Variants in CUL5 observed in about 807,000 individuals in gnomAD.
CUL5 encodes cullin 5.
CUL5 carries 26 observed loss-of-function variants against 108.8 expected under a neutral mutation model. The observed-to-expected ratio is 0.24, with a 90% CI of 0.18 to 0.33. The LOEUF is 0.33. Ranked by LOEUF, CUL5 falls within the 10% of genes least tolerant of loss-of-function variation. The pLI is 1.00. For synonymous variants in CUL5, 334 were observed against 298.0 expected (o/e 1.12, Z -1.25); for missense variants, 524 against 909.2 (o/e 0.58, Z 5.45).
intron 2 of CUL5, among the ~76,000 whole-genome samples, chr11:108,044,842 A>T (rs1425490302): frequency 2.0e-5 from 3 of 151,672 alleles, no homozygotes; most frequent in African/African-American, 7.3e-5. Flanking sequence ...GCTCACTGCA[A>T]CCTCCGCCTC....
chr11:108,070,863 T>G (rs1863803944), intron 8 of CUL5, among the ~76,000 whole-genome samples: 1 of 152,232 alleles, frequency 6.6e-6, no homozygotes. Context: ...TCAATTCACT[T>G]AAGTTCATAC....
intron 10 of CUL5, among the ~76,000 whole-genome samples, chr11:108,075,974 C>CA (rs1863931968): frequency 6.6e-6 from 1 of 152,096 alleles, no homozygotes; most frequent in South Asian, 2.1e-4. Context: ...CAAGAGCACC[C>CA]AAAGTCTACT....
At chr11:108,072,497 A>T in intron 9 of CUL5, 35 bp downstream of exon 9, 2 of 1,546,024 alleles carry the variant, frequency 1.3e-6, no homozygotes, top group Non-Finnish European at 1.8e-6. Context: ...ATAGATATAT[A>T]TCAAGGCTAT....
At chr11:108,019,766 T>C (rs1316400568) in intron 1 of CUL5, among the ~76,000 whole-genome samples, 1 of 152,198 alleles carries the variant, frequency 6.6e-6, no homozygotes, top group Non-Finnish European at 1.5e-5. Context: ...TACTGGTTTA[T>C]GTATATCTTA....
At chr11:108,062,121 G>A (rs1863553103) in intron 7 of CUL5, among the ~76,000 whole-genome samples, 2 of 152,118 alleles carry the variant, frequency 1.3e-5, no homozygotes, top group South Asian at 4.1e-4. Flanking sequence ...TAACCTATAT[G>A]CACTGTAGTA....
chr11:108,017,588 G>A (rs562382185), intron 1 of CUL5, among the ~76,000 whole-genome samples: 33 of 152,104 alleles, frequency 2.2e-4, no homozygotes, highest in Non-Finnish European at 3.7e-4. Context: ...GGAGGCTCAC[G>A]CCTGTAATTG....
At chr11:108,089,297 A>G (rs543729307) in intron 12 of CUL5, among the ~76,000 whole-genome samples, 195 bp from the exon 13 acceptor site, 39 of 152,354 alleles carry the variant, frequency 2.6e-4, no homozygotes, top group African/African-American at 9.4e-4. Flanking sequence ...ATTTGGTTAT[A>G]GTCTCAGTTT....
At chr11:108,057,730 G>A (rs1863422741) in intron 7 of CUL5, among the ~76,000 whole-genome samples, 1 of 152,194 alleles carries the variant, frequency 6.6e-6, no homozygotes, top group Non-Finnish European at 1.5e-5. Flanking sequence ...TGGAATAGGA[G>A]AAGGATATTA....
chr11:108,040,519 C>T (rs1460879333), intron 2 of CUL5, among the ~76,000 whole-genome samples: 2 of 147,810 alleles, frequency 1.4e-5, no homozygotes, highest in East Asian at 2.0e-4. Flanking sequence ...AGCTGAGGCA[C>T]GAGAATTGCC....
At chr11:108,074,575 C>T (rs1031355275) in intron 10 of CUL5, among the ~76,000 whole-genome samples, 5 of 151,864 alleles carry the variant, frequency 3.3e-5, no homozygotes, top group Non-Finnish European at 2.9e-5. Flanking sequence ...GAGGCCAGGG[C>T]GGGTGGATCA....
chr11:108,047,873 TAAAC>T (rs1863105124), intron 3 of CUL5, among the ~76,000 whole-genome samples: 3 of 152,188 alleles, frequency 2.0e-5, no homozygotes, highest in Admixed American at 1.3e-4. Flanking sequence ...TTTCTGGAAA[TAAAC>T]TTATGAAGAA....
chr11:108,049,957 T>G lies in CUL5; in HGVS notation c.302T>G (p.Phe101Cys). The change falls in exon 4 of 19, where the codon TTT (phenylalanine) becomes TGT (cysteine). Residue 101 changes from phenylalanine (F) to cysteine (C), a missense_variant. Coordinates refer to ENST00000393094, the MANE Select transcript of CUL5 (RefSeq NM_003478.6). ...TATATTGTTGAATGGCGAAAGTTCT[T>G]TACACAATGTGATATTTTACCAAAA... ...KAYIVEWRKF[F>C]TQCDILPKPF... 6.2e-7 allele frequency: 1 copy of G among 1,613,856 alleles called. No individual in the cohort carries two copies. The highest frequency in any genetic ancestry group is 8.5e-7 in the Non-Finnish European group (1 of 1,179,818).
chr11:108,077,929 A>T (rs1863981401), intron 10 of CUL5, among the ~76,000 whole-genome samples: 1 of 152,182 alleles, frequency 6.6e-6, no homozygotes, highest in African/African-American at 2.4e-5. Context: ...AGCCTGGTCG[A>T]CAGAGTGAGA....
chr11:108,083,804 G>C (rs886888468), intron 11 of CUL5, among the ~76,000 whole-genome samples: 44 of 152,162 alleles, frequency 2.9e-4, no homozygotes, highest in Non-Finnish European at 5.7e-4. Context: ...GTGGAGTAGA[G>C]TAAGTATCAT....
chr11:108,016,394 C>T (rs575890522), intron 1 of CUL5, among the ~76,000 whole-genome samples: 1 of 152,208 alleles, frequency 6.6e-6, no homozygotes, highest in South Asian at 2.1e-4. Flanking sequence ...CATCCTCCCA[C>T]AGGTGCAACA....
At chr11:108,057,115 T>C (rs191370845) in intron 7 of CUL5, among the ~76,000 whole-genome samples, 9 of 152,232 alleles carry the variant, frequency 5.9e-5, no homozygotes, top group South Asian at 2.1e-4. Flanking sequence ...ATTAAACTTA[T>C]GAACTTTCAA....
At chr11:108,050,394 T>A (rs1218581281) in intron 4 of CUL5, among the ~76,000 whole-genome samples, 1 of 151,404 alleles carries the variant, frequency 6.6e-6, no homozygotes, top group Admixed American at 6.6e-5. Flanking sequence ...TAAACTGGAG[T>A]GTCACTCTGT....
intron 11 of CUL5, among the ~76,000 whole-genome samples, chr11:108,083,496 T>C (rs1864149513): frequency 6.6e-6 from 1 of 152,226 alleles, no homozygotes; most frequent in Admixed American, 6.5e-5. Flanking sequence ...CACATTAAAG[T>C]AGAACATTTC....
chr11:108,038,520 CAAAA>C (rs902821899), intron 2 of CUL5, among the ~76,000 whole-genome samples: 3 of 151,792 alleles, frequency 2.0e-5, no homozygotes, highest in Non-Finnish European at 4.4e-5. Flanking sequence ...ACTAAAAATA[CAAAA>C]ATTACCTGAG....
Sources: allele counts gnomAD v4.1 joint callset (sites outside exome capture counted in the v4.1 genomes callset), GRCh38; gene constraint gnomAD v4.1.1; transcripts MANE v1.5; gene names NCBI Gene and HGNC (gene_info 2026-07-23, HGNC 2026-07-21).